Variants in ARHGAP21 observed in about 807,000 individuals in gnomAD.
The protein encoded by ARHGAP21 is Rho GTPase activating protein 21, also known as rho GTPase-activating protein 21.
Under a neutral mutation model 164.6 loss-of-function variants are expected in ARHGAP21, and 38 were observed. The ratio of observed to expected loss-of-function variants is 0.23; its 90% CI spans 0.18 to 0.30. ARHGAP21 has a LOEUF of 0.30. Ranked by LOEUF, ARHGAP21 falls within the 10% of genes least tolerant of loss-of-function variation. ARHGAP21 has a pLI of 1.00. For synonymous variants in ARHGAP21, 766 were observed against 857.9 expected, an observed-to-expected ratio of 0.89 and a Z score of 1.87; for missense variants, 1,822 against 2,370.7, an observed-to-expected ratio of 0.77 and a Z score of 4.81.
intron 2 of ARHGAP21, among the ~76,000 whole-genome samples, chr10:24,680,905 G>C (rs549603801): frequency 6.6e-6 from 1 of 152,228 alleles, no homozygotes; most frequent in East Asian, 1.9e-4. Flanking sequence ...AGAAGTGACT[G>C]GAATAATAGC....
intron 4 of ARHGAP21, among the ~76,000 whole-genome samples, chr10:24,658,439 T>G (rs1183997772): frequency 1.3e-5 from 2 of 152,158 alleles, no homozygotes; most frequent in South Asian, 4.1e-4. Context: ...CAACTGTCCA[T>G]CAATGATAGA....
At position 24,600,862 on chromosome 10, in the gene ARHGAP21, C is replaced by T; in HGVS notation, c.2916G>A (p.Leu972=). 6.2e-7 allele frequency: 1 copy of T among 1,614,210 alleles called. No homozygotes were observed. The highest frequency in any genetic ancestry group is 8.5e-7 in the Non-Finnish European group (1 of 1,180,004). Residue 972 remains leucine, a synonymous_variant, in exon 14 of 26, where the codon CTG becomes CTA. Coordinates refer to ENST00000396432, the MANE Select transcript of ARHGAP21 (RefSeq NM_020824.4). ...TCGTCTGCTCTCTTTTATCTTTGTA[C>T]AGGTAAAGTGAATGACCCCGAAGGA... ...YVVLRGHSLY[L]YKDKREQTTP...
At chr10:24,588,590 A>T (rs2076203383) in intron 25 of ARHGAP21, among the ~76,000 whole-genome samples, 2 of 152,224 alleles carry the variant, frequency 1.3e-5, no homozygotes, top group South Asian at 2.1e-4. Flanking sequence ...ATTACAAAAT[A>T]TAACAATGTT....
intron 17 of ARHGAP21, chr10:24,596,336 G>C: frequency 2.3e-6 from 1 of 431,188 alleles, no homozygotes. Flanking sequence ...TGAATAAAGA[G>C]TCAAGAAAAG....
At chr10:24,681,928 C>T (rs1448494191) in intron 2 of ARHGAP21, among the ~76,000 whole-genome samples, 1 of 152,010 alleles carries the variant, frequency 6.6e-6, no homozygotes, top group Non-Finnish European at 1.5e-5. Context: ...GACTAGACTG[C>T]CCGGGTCTGG....
At chr10:24,697,627 T>A (rs1843284509) in intron 2 of ARHGAP21, among the ~76,000 whole-genome samples, 1 of 152,052 alleles carries the variant, frequency 6.6e-6, no homozygotes, top group African/African-American at 2.4e-5. Context: ...GAGGCCGAAG[T>A]GGGTGGATCA....
At position 24,646,796 on chromosome 10, in the gene ARHGAP21, T is replaced by A. The variant is rs140956641; in HGVS notation, c.269-11693A>T. On this transcript the variant is annotated intron_variant, in intron 4 of 25. Coordinates refer to ENST00000396432, the MANE Select transcript of ARHGAP21 (RefSeq NM_020824.4). ...CCATTATACAATGATTTGATCATTA[T>A]ACAATGCATATATGCATTAAAATAT... Among the ~76,000 whole-genome samples the A allele has an allele frequency of 2.6e-5, 4 of 152,326 alleles. No individual in the cohort carries two copies. In the South Asian group the frequency reaches 8.3e-4, roughly 32 times the overall value.
intron 2 of ARHGAP21, among the ~76,000 whole-genome samples, chr10:24,686,310 T>C (rs1480478236): frequency 6.6e-6 from 1 of 152,068 alleles, no homozygotes; most frequent in East Asian, 1.9e-4. Context: ...GCATCTGTGG[T>C]CCAAGCTACA....
intron 13 of ARHGAP21, 88 bp from the exon 14 acceptor site, chr10:24,601,018 G>A: frequency 1.4e-6 from 2 of 1,438,112 alleles, no homozygotes; most frequent in Non-Finnish European, 1.9e-6. Flanking sequence ...CCCTTCCTCT[G>A]CATTTACATA....
intron 24 of ARHGAP21, chr10:24,590,968 A>ACAGTGGTTTG (rs968375466): frequency 1.1e-6 from 1 of 930,008 alleles, no homozygotes; most frequent in Admixed American, 6.2e-5. Context: ...AAAGAACAAA[A>ACAGTGGTTTG]CAGTGGTTTG....
At chr10:24,673,698 C>T (rs1401920467) in intron 2 of ARHGAP21, among the ~76,000 whole-genome samples, 1 of 151,972 alleles carries the variant, frequency 6.6e-6, no homozygotes, top group Admixed American at 6.6e-5. Context: ...CTCATCTCTA[C>T]TAAAAATACA....
At position 24,628,952 on chromosome 10, in the gene ARHGAP21, C is replaced by CTATATATATATATATATA. The variant is rs71397962; in HGVS notation, c.495+1026_495+1043dup. ...ACATACATATATATACACACACACA[C>CTATATATATATATATATA]TATATATATATATATATATATATAT... is the stretch of plus-strand genomic sequence containing the variant. On this transcript the variant is annotated intron_variant, in intron 7 of 25. Transcript: ENST00000396432. 56 of 13,760 alleles carry CTATATATATATATATATA rather than the reference C, an allele frequency of 4.1e-3. 2 individuals carry two copies. Among genetic ancestry groups the CTATATATATATATATATA allele is most frequent in the African/African-American group, 5.1e-3 (13 of 2,572 alleles). 0.9% of individuals were successfully genotyped at this position (13,760 alleles called of 1,614,324 possible).
chr10:24,584,627 T>C lies in ARHGAP21; in HGVS notation c.5662A>G (p.Thr1888Ala), dbSNP rs757812581. ...GTGTTGCAATGAAGAGACAAAGGTG[T>C]GTCGGTCGTGGCTATTTCTCGTGTG... ...PSTREIATTDTPLSLHCNTGS... is the reference protein window; with the variant it reads ...PSTREIATTDAPLSLHCNTGS... Residue 1888 changes from threonine (T) to alanine (A), a missense_variant, in exon 26 of 26, where the codon ACA becomes GCA. Thr to Ala is a moderately conservative substitution (Grantham distance 58, BLOSUM62 0). Around this residue, in one of 5 missense-constraint regions of ARHGAP21, gnomAD observed 165 missense variants for 176.6 expected, o/e 0.93. Transcript: ENST00000396432. 1.2e-6 allele frequency: 2 copies of C among 1,613,904 alleles called. No individual in the cohort carries two copies. The highest frequency in any genetic ancestry group is 1.7e-6 in the Non-Finnish European group (2 of 1,179,860).
intron 25 of ARHGAP21, among the ~76,000 whole-genome samples, chr10:24,588,325 T>C (rs2130720552): frequency 8.7e-6 from 1 of 114,496 alleles, no homozygotes; most frequent in East Asian, 2.1e-4. Context: ...AGAACAAAAG[T>C]GTGAATTTAC....
At chr10:24,622,046 T>C (rs1834593323) in intron 8 of ARHGAP21, among the ~76,000 whole-genome samples, 1 of 152,186 alleles carries the variant, frequency 6.6e-6, no homozygotes, top group South Asian at 2.1e-4. Context: ...TATTTTAAGC[T>C]AATGCAAAAG....
intron 2 of ARHGAP21, among the ~76,000 whole-genome samples, chr10:24,680,217 C>T (rs1323450406): frequency 6.6e-6 from 1 of 152,010 alleles, no homozygotes; most frequent in East Asian, 1.9e-4. Context: ...TGTTTTTCAT[C>T]ATCTCTTTTA....
At chr10:24,639,216 T>C (rs1318045110) in intron 4 of ARHGAP21, among the ~76,000 whole-genome samples, 2 of 152,284 alleles carry the variant, frequency 1.3e-5, no homozygotes, top group East Asian at 3.9e-4. Flanking sequence ...TGATACATAT[T>C]TAAACTAAAA....
At chr10:24,596,509 TACAG>T (rs988420034) in intron 17 of ARHGAP21, 18 of 588,444 alleles carry the variant, frequency 3.1e-5, no homozygotes, top group Admixed American at 2.9e-4. Context: ...GACGAATTCT[TACAG>T]ACCATTTCAG....
intron 4 of ARHGAP21, among the ~76,000 whole-genome samples, chr10:24,661,467 CA>C (rs1407413719): frequency 6.6e-6 from 1 of 152,070 alleles, no homozygotes; most frequent in African/African-American, 2.4e-5. Flanking sequence ...AATTAAGTGG[CA>C]AAAGAGATTT....
Sources: allele counts gnomAD v4.1 joint callset (sites outside exome capture counted in the v4.1 genomes callset), GRCh38; gene constraint gnomAD v4.1.1; regional missense constraint gnomAD v4.1.1; transcripts MANE v1.5; gene names NCBI Gene and HGNC (gene_info 2026-07-23, HGNC 2026-07-21).